The following CASP5 variants were observed in gnomAD, a reference collection of about 807,000 sequenced individuals.
CASP5 encodes caspase-5.
Under a neutral mutation model 45.2 loss-of-function variants are expected in CASP5, and 42 were observed. The ratio of observed to expected loss-of-function variants is 0.93; its 90% CI spans 0.73 to 1.20. The LOEUF (loss-of-function observed/expected upper bound fraction) is 1.20, where lower values mean the gene tolerates loss of function less well. CASP5 is among the 50% of genes most tolerant of loss of function. CASP5 has a pLI of 0.00. For synonymous variants in CASP5, 209 were observed against 186.2 expected, an observed-to-expected ratio of 1.12 and a Z score of -1.00; for missense variants, 512 against 532.2, an observed-to-expected ratio of 0.96 and a Z score of 0.37.
chr11:105,001,897 T>TACAC lies in CASP5; in HGVS notation c.717+127_717+130dup, dbSNP rs113741374. On this transcript the variant is annotated intron_variant, in intron 5 of 9. Coordinates refer to ENST00000260315, the MANE Select transcript of CASP5 (RefSeq NM_004347.5). ...TCATTTGCTAGTGCATGTGCGCATGTACACACACACACACACACGCACACG... is the reference window on the plus strand; with the variant it reads ...TCATTTGCTAGTGCATGTGCGCATGTACACACACACACACACACACACGCACACG... The TACAC allele has an allele frequency of 2.5e-3, 1,774 of 720,756 alleles. 19 individuals are homozygous for TACAC. The African/African-American group carries it at 0.029, about 12-fold the overall frequency. 44.6% of individuals were successfully genotyped at this position (720,756 alleles called of 1,614,324 possible).
In CASP5 at chr11:104,998,925, G is replaced by C. The variant is rs765481355; in HGVS notation, c.1056C>G (p.His352Gln). 1 of 1,613,830 alleles carries C rather than the reference G, an allele frequency of 6.2e-7. No homozygotes were observed. Among genetic ancestry groups the C allele is most frequent in the Non-Finnish European group, 8.5e-7 (1 of 1,179,846 alleles). ...NLEADSVCKI[H>Q]EEKDFIAFCS... ...AGAAAGCAATGAAGTCCTTCTCCTC[G>C]TGGATCTTGCAAACAGAATCTGCCT... Residue 352 changes from histidine to glutamine, a missense_variant, in exon 7 of 10, where the codon CAC becomes CAG. His to Gln is a conservative substitution (Grantham distance 24, BLOSUM62 0). Coordinates refer to ENST00000260315, the MANE Select transcript of CASP5 (RefSeq NM_004347.5).
At chr11:104,996,531 A>G (rs1302013378) in intron 8 of CASP5, among the ~76,000 whole-genome samples, 1 of 152,120 alleles carries the variant, frequency 6.6e-6, no homozygotes, top group African/African-American at 2.4e-5. Context: ...TATAATTTTT[A>G]ATTTAGAAAC....
At chr11:105,003,613 G>A (rs757343305) in intron 3 of CASP5, among the ~76,000 whole-genome samples, 74 of 151,852 alleles carry the variant, frequency 4.9e-4, no homozygotes, top group Non-Finnish European at 9.1e-4. Flanking sequence ...TATAGATTCC[G>A]ATTATTCTGG....
intron 1 of CASP5, among the ~76,000 whole-genome samples, chr11:105,010,804 TC>T (rs1862313821): frequency 6.6e-6 from 1 of 151,564 alleles, no homozygotes; most frequent in African/African-American, 2.4e-5. Context: ...TCACAAAAAC[TC>T]CATGCAAAAT....
intron 1 of CASP5, among the ~76,000 whole-genome samples, chr11:105,018,713 T>G (rs1862771707): frequency 6.9e-6 from 1 of 145,226 alleles, no homozygotes; most frequent in Non-Finnish European, 1.5e-5. Flanking sequence ...ATGGGAGACT[T>G]TAACACCCCA....
At chr11:105,009,720 C>CACACACATATATATAT (rs1376205553) in intron 1 of CASP5, among the ~76,000 whole-genome samples, 4 of 64,084 alleles carry the variant, frequency 6.2e-5, no homozygotes, top group Non-Finnish European at 9.7e-5. Context: ...TATATACACA[C>CACACACATATATATAT]ATATATATAT....
At chr11:105,015,140 T>C (rs777851166) in intron 1 of CASP5, among the ~76,000 whole-genome samples, 10 of 152,118 alleles carry the variant, frequency 6.6e-5, no homozygotes, top group Non-Finnish European at 1.3e-4. Context: ...TTGCAGAAAA[T>C]TGACAGAACA....
At chr11:105,020,008 A>C (rs1427660407) in intron 1 of CASP5, among the ~76,000 whole-genome samples, 1 of 145,914 alleles carries the variant, frequency 6.9e-6, no homozygotes, top group Non-Finnish European at 1.5e-5. Flanking sequence ...CAATATACGC[A>C]AATCAATAAA....
intron 3 of CASP5, among the ~76,000 whole-genome samples, chr11:105,004,283 C>T (rs3181177): frequency 0.056 from 8,585 of 152,190 alleles, 734 homozygotes; most frequent in African/African-American, 0.19. Flanking sequence ...GGACAGCCAA[C>T]ACTGTCCAAC....
At chr11:105,020,880 G>A (rs1199848602) in intron 1 of CASP5, among the ~76,000 whole-genome samples, 1 of 151,970 alleles carries the variant, frequency 6.6e-6, no homozygotes, top group Admixed American at 6.6e-5. Context: ...AACAAAGCTG[G>A]AGGCATCACA....
Position 105,007,272 on chromosome 11 carries a change from C to T in CASP5, c.244G>A (p.Gly82Ser). The change falls in exon 3 of 10, where the codon GGT (glycine) becomes AGT (serine). Residue 82 changes from glycine to serine, a missense_variant. Coordinates refer to ENST00000260315, the MANE Select transcript of CASP5 (RefSeq NM_004347.5). Reference protein sequence around the residue: ...LEYLGKDVLHGVFNYLAKHDV... With the variant: ...LEYLGKDVLHSVFNYLAKHDV... ...TGTTTTGCCAAATAATTAAAAACAC[C>T]ATGAAGAACATCTTTGCCCAGGTAT... 6.2e-7 allele frequency: 1 copy of T among 1,610,916 alleles called. No homozygotes were observed.
intron 7 of CASP5, among the ~76,000 whole-genome samples, chr11:104,997,816 G>T (rs1591151277): frequency 1.3e-5 from 2 of 152,194 alleles, no homozygotes; most frequent in Non-Finnish European, 2.9e-5. Flanking sequence ...ACTTTACAAA[G>T]GAAAGAATAG....
chr11:105,001,556 C>CAGGCAGGTGAA (rs1487958160), intron 5 of CASP5, among the ~76,000 whole-genome samples: 2 of 152,146 alleles, frequency 1.3e-5, no homozygotes, highest in Non-Finnish European at 2.9e-5. Flanking sequence ...GCCCCAGCTA[C>CAGGCAGGTGAA]TCGGTAGGGC....
intron 1 of CASP5, among the ~76,000 whole-genome samples, chr11:105,017,187 A>T (rs1276018200): frequency 2.0e-5 from 3 of 152,096 alleles, no homozygotes; most frequent in Non-Finnish European, 1.5e-5. Flanking sequence ...CAAAAGTAGA[A>T]AAAACCACAA....
Position 105,014,296 on chromosome 11 carries a change from A to ATT in CASP5, c.8-5318_8-5317dup, listed in dbSNP as rs5794369. Among the ~76,000 whole-genome samples, 162 of 147,766 alleles carry ATT rather than the reference A, an allele frequency of 1.1e-3. 1 individual carries two copies. Among genetic ancestry groups the ATT allele is most frequent in the Non-Finnish European group, 1.8e-3 (122 of 66,900 alleles). On this transcript the variant is annotated intron_variant, in intron 1 of 9. Transcript: ENST00000260315. ...TTCTCCAAGTCTAAGACCAGATGGC[A>ATT]TTTTTTTTTTTCAGGCAATCCTCTG...
intron 9 of CASP5, 32 bp downstream of exon 9, chr11:104,995,708 T>C: frequency 7.1e-7 from 1 of 1,403,900 alleles, no homozygotes; most frequent in Non-Finnish European, 1.0e-6. Context: ...CTCTTTCATT[T>C]ATTTCACCCT....
At chr11:105,017,483 C>T (rs1366976262) in intron 1 of CASP5, among the ~76,000 whole-genome samples, 1 of 151,796 alleles carries the variant, frequency 6.6e-6, no homozygotes, top group African/African-American at 2.4e-5. Flanking sequence ...AGCTGAAAAC[C>T]AAGGCTCGAG....
chr11:104,996,303 C>G (rs185917641), intron 8 of CASP5, among the ~76,000 whole-genome samples: 1 of 152,300 alleles, frequency 6.6e-6, no homozygotes, highest in East Asian at 1.9e-4. Flanking sequence ...AAATCTTATG[C>G]ATGGACTGAT....
At chr11:105,004,615 ATT>A (rs957222108) in intron 3 of CASP5, among the ~76,000 whole-genome samples, 20 of 152,050 alleles carry the variant, frequency 1.3e-4, no homozygotes, top group African/African-American at 4.8e-4. Flanking sequence ...TAAAATTTAT[ATT>A]GTTTTTAAAT....
Sources: allele counts gnomAD v4.1 joint callset (sites outside exome capture counted in the v4.1 genomes callset), GRCh38; gene constraint gnomAD v4.1.1; transcripts MANE v1.5; gene names NCBI Gene and HGNC (gene_info 2026-07-23, HGNC 2026-07-21).